The following BAHD1 variants were observed in gnomAD, a reference collection of about 807,000 sequenced individuals.
The protein encoded by BAHD1 is bromo adjacent homology domain-containing 1 protein.
In BAHD1, 20 loss-of-function variants were observed where a neutral mutation model predicts 63.1. The ratio of observed to expected loss-of-function variants is 0.32; its 90% CI spans 0.22 to 0.46. The LOEUF (loss-of-function observed/expected upper bound fraction) is 0.46, where lower values mean the gene tolerates loss of function less well. Ranked by LOEUF, BAHD1 falls within the 20% of genes least tolerant of loss-of-function variation. The probability of loss-of-function intolerance (pLI) is 1.00; values close to 1 mark genes in which losing one functional copy is unlikely to be tolerated. For synonymous variants in BAHD1, 408 were observed against 426.8 expected (o/e 0.96, Z 0.54); for missense variants, 939 against 1,071.8 (o/e 0.88, Z 1.73).
In BAHD1 at chr15:40,465,319, C is replaced by T. The variant is rs761081234; in HGVS notation, c.2053-16C>T. 3 of 1,612,680 alleles carry T rather than the reference C, an allele frequency of 1.9e-6. No homozygotes were observed. The highest frequency in any genetic ancestry group is 1.7e-5 in the Admixed American group (1 of 59,990). The stretch of plus-strand genomic sequence containing the variant: ...TTTCCAGCCCTGGTAACAACCTCCA[C>T]CTGTCTCCCTTTGAGCCCTTGCAGA... On this transcript the variant is annotated splice_polypyrimidine_tract_variant and intron_variant, in intron 5 of 6. Transcript: ENST00000416165.
In BAHD1 at chr15:40,445,256, T is replaced by TAAAA. The variant is rs397937880; in HGVS notation, c.-15+4005_-15+4008dup. Among the ~76,000 whole-genome samples the TAAAA allele has an allele frequency of 1.6e-3, 183 of 113,660 alleles. 5 individuals are homozygous for TAAAA. The highest frequency in any genetic ancestry group is 4.4e-3 in the Middle Eastern group (1 of 226). The allele number at this position is 113,660 out of a possible 152,430, so 74.6% of individuals were successfully genotyped here. ...AAAACTAGAGAGAGCTCCTTTTGGG[T>TAAAA]AAAAAAAAAAAAAAAAAAAACAACC... On this transcript the variant is annotated intron_variant, in intron 1 of 6. Coordinates refer to ENST00000416165, the MANE Select transcript of BAHD1 (RefSeq NM_014952.5).
At chr15:40,463,684 C>G (rs576533675) in intron 3 of BAHD1, among the ~76,000 whole-genome samples, 177 bp from the exon 4 acceptor site, 30 of 152,298 alleles carry the variant, frequency 2.0e-4, no homozygotes, top group African/African-American at 6.7e-4. Flanking sequence ...TTTTCTCATC[C>G]TTTCTCCAAC....
At chr15:40,449,753 G>A (rs146117591) in intron 1 of BAHD1, among the ~76,000 whole-genome samples, 1 of 150,484 alleles carries the variant, frequency 6.6e-6, no homozygotes, top group Admixed American at 6.6e-5. Flanking sequence ...AGGCTACAGT[G>A]AGCTATAATT....
intron 4 of BAHD1, 81 bp from the exon 5 acceptor site, chr15:40,464,390 A>G (rs1894142670): frequency 7.9e-7 from 1 of 1,272,254 alleles, no homozygotes; most frequent in Non-Finnish European, 1.1e-6. Context: ...ATGAACCTCC[A>G]GGGCAGCCAG....
chr15:40,441,163 G>C lies in BAHD1; in HGVS notation c.-120G>C, dbSNP rs1380151944. ...CAGGAGGAGGCGCTGACGCAGCAGC[G>C]TGGAGCCCGGGAATTGAGCGCCCCC... On this transcript the variant is annotated 5_prime_UTR_variant, in exon 1 of 7. Coordinates refer to ENST00000416165, the MANE Select transcript of BAHD1 (RefSeq NM_014952.5). The C allele has an allele frequency of 6.6e-6, 1 of 150,728 alleles. No individual in the cohort carries two copies. The highest frequency in any genetic ancestry group is 2.4e-5 in the African/African-American group (1 of 41,220). 9.3% of individuals were successfully genotyped at this position (150,728 alleles called of 1,614,324 possible).
chr15:40,464,528 G>T lies in BAHD1; in HGVS notation c.2033G>T (p.Arg678Leu). 1.2e-6 allele frequency: 2 copies of T among 1,613,108 alleles called. No individual in the cohort carries two copies. The highest frequency in any genetic ancestry group is 1.7e-6 in the Non-Finnish European group (2 of 1,179,600). The change falls in exon 5 of 7, where the codon CGC becomes CTC. Residue 678 changes from arginine (R) to leucine (L), a missense_variant. Physicochemically the swap from Arg to Leu is moderately radical, Grantham distance 102. This residue lies in a region of BAHD1 where 31 missense variants were observed against 68.1 expected (regional missense o/e 0.46). Transcript: ENST00000416165. ...AGACCTGAGCACTTACAGGGAGGCC[G>T]CAGTCCCAGCATGCACGAGGTGAGC... ...YYRPEHLQGG[R>L]SPSMHEPLQN...
At chr15:40,439,068 GT>G, upstream of BAHD1, among the ~76,000 whole-genome samples, 1 of 152,304 alleles carries the variant, frequency 6.6e-6, no homozygotes, top group South Asian at 2.1e-4. Context: ...CCTGGTGTGT[GT>G]TGGGGGGGCG....
intron 1 of BAHD1, among the ~76,000 whole-genome samples, chr15:40,455,185 A>C (rs1425548402): frequency 1.3e-5 from 2 of 152,158 alleles, no homozygotes; most frequent in East Asian, 1.9e-4. Flanking sequence ...AGCGAGTGAC[A>C]GGGGATTTGG....
In BAHD1 at chr15:40,467,800, G is replaced by A. The variant is rs1470421135; in HGVS notation, c.*1670G>A. 1.1e-4 allele frequency: 17 copies of A among 152,652 alleles called. No individual in the cohort carries two copies. The highest frequency in any genetic ancestry group is 1.1e-3 in the Admixed American group (17 of 15,276). 9.5% of individuals were successfully genotyped at this position (152,652 alleles called of 1,614,324 possible). On this transcript the variant is annotated 3_prime_UTR_variant, in exon 7 of 7. Coordinates refer to ENST00000416165, the MANE Select transcript of BAHD1 (RefSeq NM_014952.5). Reference sequence around the variant, plus strand: ...GGAAGGTGTCTGTCTGGGAGGATGGGGCAGTAAATGAGGTTGGCAGAGTGG... The same window carrying A: ...GGAAGGTGTCTGTCTGGGAGGATGGAGCAGTAAATGAGGTTGGCAGAGTGG...
At chr15:40,460,474 G>A (rs547004330) in intron 2 of BAHD1, among the ~76,000 whole-genome samples, 81 of 152,254 alleles carry the variant, frequency 5.3e-4, no homozygotes, top group Middle Eastern at 3.4e-3. Flanking sequence ...CACTTTGCTG[G>A]GTGTGGATAG....
intron 1 of BAHD1, among the ~76,000 whole-genome samples, chr15:40,445,225 A>T (rs1893503420): frequency 6.6e-6 from 1 of 151,252 alleles, no homozygotes; most frequent in Non-Finnish European, 1.5e-5. Context: ...TCCCCGGTGC[A>T]AATTAAAAAC....
chr15:40,466,338 A>C lies in BAHD1; in HGVS notation c.*208A>C. ...GCCAGGGTATAAGAAAAGCATCAGA[A>C]CTCTCAGCTTGGCCCAAGGTACCTT... On this transcript the variant is annotated 3_prime_UTR_variant, in exon 7 of 7. Transcript: ENST00000416165. The C allele has an allele frequency of 2.1e-6, 1 of 471,608 alleles. No individual in the cohort carries two copies. The highest frequency in any genetic ancestry group is 3.7e-6 in the Non-Finnish European group (1 of 268,896). The allele number at this position is 471,608 out of a possible 1,614,324, so 29.2% of individuals were successfully genotyped here.
chr15:40,465,705 G>A (rs1205451278), intron 6 of BAHD1, among the ~76,000 whole-genome samples: 2 of 152,212 alleles, frequency 1.3e-5, no homozygotes, highest in African/African-American at 4.8e-5. Flanking sequence ...AAAAAATTTA[G>A]GCGAATTGGC....
chr15:40,461,802 C>T lies in BAHD1; in HGVS notation c.1433-110C>T, dbSNP rs1894050316. 4 of 1,373,528 alleles carry T rather than the reference C, an allele frequency of 2.9e-6. No individual in the cohort carries two copies. The South Asian group carries it at 5.9e-5, about 20-fold the overall frequency. 85.1% of individuals were successfully genotyped at this position (1,373,528 alleles called of 1,614,324 possible). A position where few individuals can be genotyped will look rare whatever the true frequency, so the allele number is the denominator to read the frequency against. On this transcript the variant is annotated intron_variant, in intron 2 of 6. Transcript: ENST00000416165. Reference sequence around the variant, plus strand: ...AGGCCTCTGATCCCATCGGCCACCTCAGTGGCCTTTGGTTGCACAGTTAGA... The same window carrying T: ...AGGCCTCTGATCCCATCGGCCACCTTAGTGGCCTTTGGTTGCACAGTTAGA...
At position 40,459,790 on chromosome 15, in the gene BAHD1, G is replaced by A. The variant is rs773513658; in HGVS notation, c.1326G>A (p.Glu442=). 10 of 1,613,690 alleles carry A rather than the reference G, an allele frequency of 6.2e-6. No individual in the cohort carries two copies. In the South Asian group the frequency reaches 9.9e-5, roughly 16 times the overall value. Residue 442 remains glutamate, a synonymous_variant, in exon 2 of 7, where the codon GAG becomes GAA. Coordinates refer to ENST00000416165, the MANE Select transcript of BAHD1 (RefSeq NM_014952.5). Reference sequence around the variant, plus strand: ...GCTCCTCTCGCTACTGCTCTAGCGAGGACACTGGAGTGAATGGCTACAGCA... The same window carrying A: ...GCTCCTCTCGCTACTGCTCTAGCGAAGACACTGGAGTGAATGGCTACAGCA... ...PWGSSRYCSS[E]DTGVNGYSIC... is the part of the protein sequence containing the mutation.
Position 40,458,339 on chromosome 15 carries a change from A to C in BAHD1, c.-14-112A>C. 7 of 1,335,158 alleles carry C rather than the reference A, an allele frequency of 5.2e-6. No homozygotes were observed. Among genetic ancestry groups the C allele is most frequent in the Non-Finnish European group, 7.1e-6 (7 of 991,126 alleles). 82.7% of individuals were successfully genotyped at this position (1,335,158 alleles called of 1,614,324 possible). On this transcript the variant is annotated intron_variant, in intron 1 of 6. Transcript: ENST00000416165. The surrounding 1 kb of genome is among the most constrained non-coding windows in gnomAD (Gnocchi z 4.7). ...GGAAAATCCATACTGGAGACAGGGT[A>C]GTTGTAGGCCAGGATCACTGCACCT... is the stretch of plus-strand genomic sequence containing the variant.
intron 1 of BAHD1, among the ~76,000 whole-genome samples, chr15:40,446,263 A>G (rs936962260): frequency 6.6e-6 from 1 of 152,268 alleles, no homozygotes; most frequent in Non-Finnish European, 1.5e-5. Context: ...AAAGAGCACC[A>G]GCAGCAGTGA....
Position 40,441,047 on chromosome 15 carries a change from C to T in BAHD1, c.-236C>T, listed in dbSNP as rs1047646831. Among the ~76,000 whole-genome samples the T allele has an allele frequency of 1.4e-5, 2 of 146,182 alleles. No individual in the cohort carries two copies. Among genetic ancestry groups the T allele is most frequent in the Non-Finnish European group, 3.0e-5 (2 of 65,782 alleles). On this transcript the variant is annotated 5_prime_UTR_variant, in exon 1 of 7. Transcript: ENST00000416165. ...CTGCCTGCCCCGCCCGTCCGGCCCCCGCCGTCCGCCCGCCCCGGCCAGGCG... is the reference window on the plus strand; with the variant it reads ...CTGCCTGCCCCGCCCGTCCGGCCCCTGCCGTCCGCCCGCCCCGGCCAGGCG...
At position 40,459,771 on chromosome 15, in the gene BAHD1, C is replaced by T. The variant is rs1245922656; in HGVS notation, c.1307C>T (p.Ser436Phe). 1 of 1,613,962 alleles carries T rather than the reference C, an allele frequency of 6.2e-7. No homozygotes were observed. The highest frequency in any genetic ancestry group is 2.2e-5 in the East Asian group (1 of 44,888). The change falls in exon 2 of 7, where the codon TCT becomes TTT. Residue 436 changes from serine to phenylalanine, a missense_variant. Transcript: ENST00000416165. ...TPFQHPPWGS[S>F]RYCSSEDTGV... The stretch of plus-strand genomic sequence containing the variant: ...TTCCAGCACCCTCCCTGGGGCTCCT[C>T]TCGCTACTGCTCTAGCGAGGACACT...
Sources: allele counts gnomAD v4.1 joint callset (sites outside exome capture counted in the v4.1 genomes callset), GRCh38; gene constraint gnomAD v4.1.1; regional missense constraint gnomAD v4.1.1; non-coding constraint Gnocchi (gnomAD v3.1); transcripts MANE v1.5; gene names NCBI Gene and HGNC (gene_info 2026-07-23, HGNC 2026-07-21).